Variants in DOCK3 observed in about 807,000 individuals in gnomAD.
DOCK3 encodes dedicator of cytokinesis 3.
A neutral mutation model predicts 265.6 loss-of-function variants in DOCK3; 60 were observed. That is an observed-to-expected ratio of 0.23 (90% CI 0.18 to 0.28). DOCK3 has a LOEUF of 0.28. Among genes scored for constraint, DOCK3 ranks in the 10% least tolerant of loss-of-function variants. The pLI, the probability that DOCK3 is intolerant of heterozygous loss-of-function variation, is 1.00. For missense variants in DOCK3, 1,981 were observed against 2,594.3 expected, an observed-to-expected ratio of 0.76 and a Z score of 5.14; for synonymous variants, 881 against 938.0, an observed-to-expected ratio of 0.94 and a Z score of 1.11.
chr3:50,951,262 A>G (rs910739736), intron 5 of DOCK3, among the ~76,000 whole-genome samples: 2 of 152,086 alleles, frequency 1.3e-5, no homozygotes, highest in East Asian at 3.9e-4. Context: ...TTTCTCTCCT[A>G]TCGAGATTTC....
In DOCK3 at chr3:51,357,016, G is replaced by C; in HGVS notation, c.4558G>C (p.Glu1520Gln). 1.2e-6 allele frequency: 2 copies of C among 1,613,476 alleles called. No individual in the cohort carries two copies. The highest frequency in any genetic ancestry group is 1.7e-6 in the Non-Finnish European group (2 of 1,179,878). ...CCAAGTGGTTGAGAATAAGAACCAG[G>C]AGCTACGCTCCCTGATCAGCCAGTA... ...AIQVVENKNQ[E>Q]LRSLISQYQH... Residue 1520 changes from glutamate to glutamine, a missense_variant, in exon 44 of 53, where the codon GAG (glutamate) becomes CAG (glutamine). By Grantham distance (29) the Glu-to-Gln change is conservative (BLOSUM62 2). Transcript: ENST00000266037.
intron 38 of DOCK3, among the ~76,000 whole-genome samples, chr3:51,342,541 C>A (rs2085309587): frequency 6.6e-6 from 1 of 152,220 alleles, no homozygotes; most frequent in African/African-American, 2.4e-5. Flanking sequence ...GCAAGCCCTC[C>A]TAGCTCACAG....
Position 51,333,110 on chromosome 3 carries a change from G to C in DOCK3, c.3516-48G>C, listed in dbSNP as rs2084637095. 3 of 1,613,874 alleles carry C rather than the reference G, an allele frequency of 1.9e-6. No homozygotes were observed. The African/African-American group carries it at 4.0e-5, about 22-fold the overall frequency. On this transcript the variant is annotated intron_variant, in intron 34 of 52. Coordinates refer to ENST00000266037, the MANE Select transcript of DOCK3 (RefSeq NM_004947.5). ...TCTTGGACTTCACTCTTGTGCCCAG[G>C]AGAAGGCTCATGAATTGTGTTTGCT...
chr3:51,010,738 G>T (rs928473669), intron 5 of DOCK3, among the ~76,000 whole-genome samples: 1 of 152,154 alleles, frequency 6.6e-6, no homozygotes, highest in Admixed American at 6.5e-5. Context: ...AATTTGGCAC[G>T]CTTTTTCAGT....
intron 2 of DOCK3, among the ~76,000 whole-genome samples, chr3:50,794,734 G>C (rs970873875): frequency 1.4e-4 from 22 of 152,156 alleles, no homozygotes; most frequent in African/African-American, 4.8e-4. Flanking sequence ...TTACATTCAG[G>C]GTTATTATTG....
intron 1 of DOCK3, among the ~76,000 whole-genome samples, chr3:50,678,671 T>A (rs1048142295): frequency 1.3e-5 from 2 of 152,112 alleles, no homozygotes; most frequent in Non-Finnish European, 2.9e-5. Context: ...GGTGGGGTCC[T>A]GCTCTTGTCA....
At chr3:51,349,456 A>C (rs183018476) in intron 39 of DOCK3, among the ~76,000 whole-genome samples, 1 of 152,290 alleles carries the variant, frequency 6.6e-6, no homozygotes, top group East Asian at 1.9e-4. Context: ...TGATTTCATC[A>C]GCAAAAAAGA....
intron 5 of DOCK3, among the ~76,000 whole-genome samples, chr3:51,020,889 A>G (rs1245793187): frequency 6.6e-6 from 1 of 151,848 alleles, no homozygotes; most frequent in Non-Finnish European, 1.5e-5. Context: ...GTATAATTTG[A>G]AGTCAAGTAG....
intron 5 of DOCK3, among the ~76,000 whole-genome samples, chr3:51,052,030 A>G (rs1336092063): frequency 6.6e-6 from 1 of 152,100 alleles, no homozygotes; most frequent in Non-Finnish European, 1.5e-5. Flanking sequence ...TCAACATGAG[A>G]TTTGGAGGGG....
intron 22 of DOCK3, among the ~76,000 whole-genome samples, chr3:51,258,046 C>T (rs1236460205): frequency 6.6e-6 from 1 of 152,206 alleles, no homozygotes; most frequent in Non-Finnish European, 1.5e-5. Flanking sequence ...GCCTTGTGCT[C>T]CTCTGCTAGT....
chr3:51,338,901 G>A, intron 36 of DOCK3, 34 bp from the exon 37 acceptor site: 5 of 1,544,832 alleles, frequency 3.2e-6, no homozygotes, highest in Non-Finnish European at 4.4e-6. Context: ...GCTTCCACAG[G>A]TAGTTGACAG....
rs565924205 is a variant in DOCK3, at chr3:50,954,850, TAC to T, written c.315+20774_315+20775del. Among the ~76,000 whole-genome samples, 1,178 of 152,296 alleles carry T rather than the reference TAC, an allele frequency of 7.7e-3. 12 individuals are homozygous for T. The highest frequency in any genetic ancestry group is 0.027 in the African/African-American group (1,116 of 41,578). On this transcript the variant is annotated intron_variant, in intron 5 of 52. Coordinates refer to ENST00000266037, the MANE Select transcript of DOCK3 (RefSeq NM_004947.5). ...TAATTAGATCCTATTTGTCAATTTTTACTTTTGTTGCTATTGCTTTTGGCATC... is the reference window on the plus strand; with the variant it reads ...TAATTAGATCCTATTTGTCAATTTTTTTTTGTTGCTATTGCTTTTGGCATC...
intron 2 of DOCK3, among the ~76,000 whole-genome samples, chr3:50,817,197 A>C (rs1474973916): frequency 2.0e-5 from 3 of 152,228 alleles, no homozygotes; most frequent in Admixed American, 2.0e-4. Context: ...AGAGTGTAGC[A>C]GTGAGGACAA....
At chr3:51,325,595 A>C (rs1326478148) in intron 32 of DOCK3, among the ~76,000 whole-genome samples, 1 of 152,198 alleles carries the variant, frequency 6.6e-6, no homozygotes, top group Non-Finnish European at 1.5e-5. Flanking sequence ...TCATTCTACT[A>C]TAAAGACACA....
At chr3:50,695,535 G>C (rs1322490026) in intron 1 of DOCK3, among the ~76,000 whole-genome samples, 1 of 152,188 alleles carries the variant, frequency 6.6e-6, no homozygotes. Flanking sequence ...ATTAATATCA[G>C]ATGTAATCTG....
chr3:51,218,228 G>A (rs768195187), intron 14 of DOCK3, among the ~76,000 whole-genome samples: 5 of 151,774 alleles, frequency 3.3e-5, no homozygotes, highest in South Asian at 2.1e-4. Context: ...GAGGCCAGAC[G>A]TTCAAGACCA....
chr3:51,132,068 A>G (rs1433735695), intron 9 of DOCK3, among the ~76,000 whole-genome samples: 1 of 152,150 alleles, frequency 6.6e-6, no homozygotes, highest in Non-Finnish European at 1.5e-5. Flanking sequence ...CTTCCTCTAC[A>G]TTAAACCAAG....
intron 5 of DOCK3, among the ~76,000 whole-genome samples, chr3:51,021,724 C>T (rs937041383): frequency 3.5e-5 from 5 of 143,926 alleles, no homozygotes; most frequent in African/African-American, 1.0e-4. Context: ...CGCAATGGTG[C>T]GATCTCAGCT....
intron 9 of DOCK3, among the ~76,000 whole-genome samples, chr3:51,090,635 C>T (rs2082603847): frequency 6.6e-6 from 1 of 152,128 alleles, no homozygotes; most frequent in African/African-American, 2.4e-5. Flanking sequence ...CTATCACCAC[C>T]TCACAGAGAG....
Sources: gnomAD v4.1 joint callset for allele counts (sites outside exome capture counted in the v4.1 genomes callset) on GRCh38, gnomAD v4.1.1 for gene constraint, MANE v1.5 for transcripts, NCBI Gene and HGNC (gene_info 2026-07-23, HGNC 2026-07-21) for gene names.